Variants in YY1 observed in about 807,000 individuals in gnomAD.
YY1 encodes YY1 transcription factor.
Under a neutral mutation model 35.6 loss-of-function variants are expected in YY1, and 2 were observed. That is an observed-to-expected ratio of 0.06 (90% confidence interval 0.02 to 0.18). The LOEUF (loss-of-function observed/expected upper bound fraction) is 0.18. YY1 is among the 10% of genes least tolerant of loss of function. The pLI is 1.00. For missense variants in YY1, 322 were observed against 573.4 expected (o/e 0.56, Z 4.48); for synonymous variants, 268 against 238.9 (o/e 1.12, Z -1.12).
intron 3 of YY1, 56 bp downstream of exon 3, chr14:100,274,814 T>G: frequency 1.3e-6 from 2 of 1,537,180 alleles, no homozygotes; most frequent in South Asian, 2.3e-5. Flanking sequence ...TTTTAGAGAG[T>G]TATAAGAAAT....
chr14:100,263,620 G>C (rs532295386), intron 2 of YY1, among the ~76,000 whole-genome samples: 1 of 152,194 alleles, frequency 6.6e-6, no homozygotes, highest in Admixed American at 6.5e-5. Flanking sequence ...CATACCTGAG[G>C]TTGGTTGGAA....
intron 3 of YY1, chr14:100,275,969 T>G (rs1891311768): frequency 6.1e-6 from 1 of 163,476 alleles, no homozygotes; most frequent in African/African-American, 2.4e-5. Flanking sequence ...ACCCTCTTGC[T>G]TCTTTCTCTG....
At chr14:100,254,101 G>T (rs1890965627) in intron 1 of YY1, among the ~76,000 whole-genome samples, 1 of 152,116 alleles carries the variant, frequency 6.6e-6, no homozygotes, top group Admixed American at 6.5e-5. Context: ...CTCTCAAAGT[G>T]CTGGGATTAT....
At chr14:100,260,365 A>T (rs1408798690) in intron 1 of YY1, among the ~76,000 whole-genome samples, 1 of 150,812 alleles carries the variant, frequency 6.6e-6, no homozygotes, top group African/African-American at 2.4e-5. Context: ...TTTAAAGGGG[A>T]TCAATAGGAT....
rs1891362885 is a variant in YY1 at position 100,278,666 on chromosome 14, T to C, written c.*1066T>C. 6.6e-6 allele frequency: 1 copy of C among 152,262 alleles called. No individual in the cohort carries two copies. Among genetic ancestry groups the C allele is most frequent in the African/African-American group, 2.4e-5 (1 of 41,468 alleles). 9.4% of individuals were successfully genotyped at this position (152,262 alleles called of 1,614,324 possible). On this transcript the variant is annotated 3_prime_UTR_variant, in exon 5 of 5. Transcript: ENST00000262238. Reference sequence around the variant, plus strand: ...AATACTTCCTACATGTCCTGACTTCTGAAAGAGAGTAGGTAACAGGCATCC... The same window carrying C: ...AATACTTCCTACATGTCCTGACTTCCGAAAGAGAGTAGGTAACAGGCATCC...
At chr14:100,258,401 C>T (rs943306243) in intron 1 of YY1, among the ~76,000 whole-genome samples, 7 of 152,004 alleles carry the variant, frequency 4.6e-5, no homozygotes, top group African/African-American at 1.7e-4. Context: ...TTCCTAGGCC[C>T]CACCTAGGAA....
chr14:100,246,322 G>T (rs1174211195), intron 1 of YY1, among the ~76,000 whole-genome samples: 3 of 152,256 alleles, frequency 2.0e-5, no homozygotes, highest in African/African-American at 7.2e-5. Flanking sequence ...AGTCAGCACA[G>T]CTTGGGTTGT....
rs771223819 is a variant in YY1 at position 100,239,598 on chromosome 14, G to C, written c.354G>C (p.Ser118=). The change falls in exon 1 of 5, where the codon TCG becomes TCC. Residue 118 remains serine, a synonymous_variant. Coordinates refer to ENST00000262238, the MANE Select transcript of YY1 (RefSeq NM_003403.5). The part of the protein sequence containing the change: ...TREEVVGGDD[S]DGLRAEDGFE... ...AGGAGGTGGTGGGCGGCGACGACTC[G>C]GACGGGCTGCGCGCCGAGGACGGCT... 4 of 1,612,318 alleles carry C rather than the reference G, an allele frequency of 2.5e-6. No homozygotes were observed. In the East Asian group the frequency reaches 8.9e-5, roughly 36 times the overall value.
In YY1 at chr14:100,281,903, C is replaced by A. The variant is rs1666091503; in HGVS notation, c.*4303C>A. 1.3e-5 allele frequency: 2 copies of A among 152,232 alleles called. No individual in the cohort carries two copies. Among genetic ancestry groups the A allele is most frequent in the East Asian group, 3.9e-4 (2 of 5,184 alleles). 9.4% of individuals were successfully genotyped at this position (152,232 alleles called of 1,614,324 possible). A position where few individuals can be genotyped will look rare whatever the true frequency, so the allele number is the denominator to read the frequency against. On this transcript the variant is annotated 3_prime_UTR_variant, in exon 5 of 5. Coordinates refer to ENST00000262238, the MANE Select transcript of YY1 (RefSeq NM_003403.5). ...GGCCAAGAGGCTTCCTGGCATCCAC[C>A]CCCAGGCCCAAGGGATCAGTGTGGT...
At chr14:100,250,868 G>A (rs1890914514) in intron 1 of YY1, among the ~76,000 whole-genome samples, 2 of 151,342 alleles carry the variant, frequency 1.3e-5, no homozygotes, top group Admixed American at 1.3e-4. Flanking sequence ...GGCCAGGCAT[G>A]GTGGCATGTG....
At chr14:100,268,695 A>T (rs970678521) in intron 2 of YY1, among the ~76,000 whole-genome samples, 12 of 152,220 alleles carry the variant, frequency 7.9e-5, no homozygotes, top group Non-Finnish European at 1.8e-4. Context: ...AACAAACTTT[A>T]TTTGTCTAAG....
Position 100,276,246 on chromosome 14 carries a change from A to G in YY1, c.904-244A>G. ...AGTGTGACCTTGGGCAAGTCTACTT[A>G]AAGACATCTCTAAGCCTCAGTTTCC... is the stretch of plus-strand genomic sequence containing the variant. On this transcript the variant is annotated intron_variant, in intron 3 of 4. Transcript: ENST00000262238. The surrounding 1 kb of genome is among the most constrained non-coding windows in gnomAD (Gnocchi z 4.1). The G allele has an allele frequency of 1.9e-6, 1 of 522,818 alleles. No homozygotes were observed. The highest frequency in any genetic ancestry group is 3.4e-6 in the Non-Finnish European group (1 of 295,782). 32.4% of individuals were successfully genotyped at this position (522,818 alleles called of 1,614,324 possible).
At chr14:100,250,391 G>A (rs1363741145) in intron 1 of YY1, among the ~76,000 whole-genome samples, 1 of 152,068 alleles carries the variant, frequency 6.6e-6, no homozygotes, top group Non-Finnish European at 1.5e-5. Context: ...GAAGTAACCT[G>A]GAGTGGCCTA....
chr14:100,239,564 A>G lies in YY1; in HGVS notation c.320A>G (p.Gln107Arg). The G allele has an allele frequency of 6.2e-7, 1 of 1,612,490 alleles. No homozygotes were observed. Among genetic ancestry groups the G allele is most frequent in the Admixed American group, 1.7e-5 (1 of 59,974 alleles). ...CACCACCAGGAGGTGATCCTGGTGC[A>G]GACGCGCGAGGAGGTGGTGGGCGGC... ...VHHHQEVILV[Q>R]TREEVVGGDD... Residue 107 changes from glutamine to arginine, a missense_variant, in exon 1 of 5, where the codon CAG (glutamine) becomes CGG (arginine). Gln to Arg is a conservative substitution (Grantham distance 43, BLOSUM62 1). Around this residue, in one of 4 missense-constraint regions of YY1, gnomAD observed 137 missense variants for 167.0 expected, o/e 0.82. Transcript: ENST00000262238.
chr14:100,258,232 T>C (rs917887353), intron 1 of YY1, among the ~76,000 whole-genome samples: 1 of 152,166 alleles, frequency 6.6e-6, no homozygotes, highest in Non-Finnish European at 1.5e-5. Context: ...TAGAAGTAGA[T>C]GTGCCAGGCT....
Position 100,277,548 on chromosome 14 carries a change from C to T in YY1, c.1193C>T (p.Thr398Ile). Residue 398 changes from threonine (T) to isoleucine (I), a missense_variant, in exon 5 of 5, where the codon ACT (threonine) becomes ATT (isoleucine). Around this residue, in one of 4 missense-constraint regions of YY1, gnomAD observed 26 missense variants for 212.6 expected, o/e 0.12. Coordinates refer to ENST00000262238, the MANE Select transcript of YY1 (RefSeq NM_003403.5). This position sits in a 1 kb window ranked among gnomAD's most constrained non-coding sequence, Gnocchi z 5.6. Reference protein sequence around the residue: ...DGCNKKFAQSTNLKSHILTHA... With the variant: ...DGCNKKFAQSINLKSHILTHA... The stretch of plus-strand genomic sequence containing the variant: ...TGTAATAAGAAGTTTGCTCAGTCAA[C>T]TAACCTGAAATCTCACATCTTAACA... 1 of 1,614,222 alleles carries T rather than the reference C, an allele frequency of 6.2e-7. No homozygotes were observed. Among genetic ancestry groups the T allele is most frequent in the Non-Finnish European group, 8.5e-7 (1 of 1,180,042 alleles).
chr14:100,243,636 A>AG (rs1406790672), intron 1 of YY1, among the ~76,000 whole-genome samples: 1 of 151,912 alleles, frequency 6.6e-6, no homozygotes, highest in Non-Finnish European at 1.5e-5. Context: ...CTGCAAAAAA[A>AG]CAAAAAACCC....
intron 1 of YY1, among the ~76,000 whole-genome samples, chr14:100,240,808 C>T (rs1178747120): frequency 4.9e-4 from 74 of 149,852 alleles, no homozygotes; most frequent in Non-Finnish European, 9.6e-4. Context: ...TTTTTTTTTT[C>T]CCTCAAGTAT....
chr14:100,251,048 C>G (rs1437253140), intron 1 of YY1, among the ~76,000 whole-genome samples: 1 of 152,080 alleles, frequency 6.6e-6, no homozygotes, highest in Non-Finnish European at 1.5e-5. Context: ...TTCTGATTAA[C>G]ATATTGACTA....
Sources: gnomAD v4.1 joint callset for allele counts (sites outside exome capture counted in the v4.1 genomes callset) on GRCh38, gnomAD v4.1.1 for gene constraint, gnomAD v4.1.1 regional missense constraint, Gnocchi (gnomAD v3.1) non-coding constraint, MANE v1.5 for transcripts, NCBI Gene and HGNC (gene_info 2026-07-23, HGNC 2026-07-21) for gene names.